JCAD: variants seen among roughly 807,000 people sequenced by gnomAD.
JCAD encodes junctional cadherin 5-associated protein.
JCAD carries 40 observed loss-of-function variants against 98.0 expected under a neutral mutation model. The ratio of observed to expected loss-of-function variants is 0.41; its 90% confidence interval spans 0.32 to 0.53. JCAD has a LOEUF of 0.53. JCAD is among the 20% of genes least tolerant of loss of function. The pLI is 0.31. For synonymous variants in JCAD, 691 were observed against 682.3 expected, an observed-to-expected ratio of 1.01 and a Z score of -0.20; for missense variants, 1,705 against 1,738.1, an observed-to-expected ratio of 0.98 and a Z score of 0.34.
chr10:30,038,768 C>T (rs1476593299), intron 2 of JCAD, among the ~76,000 whole-genome samples: 4 of 149,676 alleles, frequency 2.7e-5, no homozygotes, highest in Non-Finnish European at 5.9e-5. Context: ...CAGGATGGAG[C>T]AAAGGGATAC....
intron 2 of JCAD, among the ~76,000 whole-genome samples, chr10:30,032,767 T>G (rs1469347489): frequency 6.6e-6 from 1 of 152,224 alleles, no homozygotes; most frequent in Non-Finnish European, 1.5e-5. Context: ...CTACTAGATA[T>G]CTGGTATTAT....
chr10:30,027,184 C>T lies in JCAD; in HGVS notation c.2964G>A (p.Leu988=). 6.2e-7 allele frequency: 1 copy of T among 1,614,210 alleles called. No homozygotes were observed. Among genetic ancestry groups the T allele is most frequent in the East Asian group, 2.2e-5 (1 of 44,884 alleles). ...TAGGTTCAGCTGGATAGGACGCGGG[C>T]AGTGGTTTTGCGTCACTTGATCTTG... The part of the protein sequence containing the change: ...MSSRSSDAKP[L]PASYPAEPRE... The change falls in exon 3 of 4, where the codon CTG becomes CTA. Residue 988 remains leucine, a synonymous_variant. Transcript: ENST00000375377.
chr10:30,111,113 G>A (rs566726556), intron 1 of JCAD, among the ~76,000 whole-genome samples: 5 of 152,222 alleles, frequency 3.3e-5, no homozygotes, highest in Admixed American at 2.6e-4. Context: ...TGGACTGGTT[G>A]ATGTATGGAC....
chr10:30,098,579 C>G (rs957879276), intron 1 of JCAD, among the ~76,000 whole-genome samples: 2 of 152,178 alleles, frequency 1.3e-5, no homozygotes, highest in South Asian at 4.1e-4. Context: ...TTTGTGTCCT[C>G]AGTTCCTGGA....
chr10:30,065,143 A>G (rs1173931617), intron 2 of JCAD, among the ~76,000 whole-genome samples: 16 of 152,234 alleles, frequency 1.1e-4, no homozygotes, highest in Admixed American at 1.0e-3. Context: ...TGATTAATAC[A>G]TACAATATAC....
At chr10:30,107,389 C>G (rs1838604864) in intron 1 of JCAD, among the ~76,000 whole-genome samples, 1 of 152,188 alleles carries the variant, frequency 6.6e-6, no homozygotes, top group Non-Finnish European at 1.5e-5. Flanking sequence ...ACTGCATTGG[C>G]ATGCTAGAAG....
In JCAD at chr10:30,015,799, C is replaced by A. The variant is rs1483119558; in HGVS notation, c.*2084G>T. 5 of 152,230 alleles carry A rather than the reference C, an allele frequency of 3.3e-5. No homozygotes were observed. The highest frequency in any genetic ancestry group is 1.2e-4 in the African/African-American group (5 of 41,528). 9.4% of individuals were successfully genotyped at this position (152,230 alleles called of 1,614,324 possible). On this transcript the variant is annotated 3_prime_UTR_variant, in exon 4 of 4. Coordinates refer to ENST00000375377, the MANE Select transcript of JCAD (RefSeq NM_020848.4). Reference sequence around the variant, plus strand: ...GCATACATGTACGAGTATACATGTGCACGTATATAAATGTATATACACATA... The same window carrying A: ...GCATACATGTACGAGTATACATGTGAACGTATATAAATGTATATACACATA...
chr10:30,028,865 T>C lies in JCAD; in HGVS notation c.1283A>G (p.Asp428Gly). 6.2e-7 allele frequency: 1 copy of C among 1,614,132 alleles called. No individual in the cohort carries two copies. The highest frequency in any genetic ancestry group is 8.5e-7 in the Non-Finnish European group (1 of 1,180,020). ...TAGTTTAAAATGTCGTAACCGTGGA[T>C]CATCAAAGGGAATGTACTGAACGAA... is the stretch of plus-strand genomic sequence containing the variant. ...DGFVQYIPFD[D>G]PRLRHFKLAQ... Residue 428 changes from aspartate to glycine, a missense_variant, in exon 3 of 4, where the codon GAT becomes GGT. This residue lies in a region of JCAD where 1,278 missense variants were observed against 1,243.1 expected (regional missense o/e 1.03). Transcript: ENST00000375377.
intron 1 of JCAD, among the ~76,000 whole-genome samples, chr10:30,115,204 G>T (rs1838771440): frequency 6.6e-6 from 1 of 152,174 alleles, no homozygotes; most frequent in African/African-American, 2.4e-5. Context: ...CTCTCTCCAG[G>T]AGATCCTTGT....
chr10:30,103,359 A>G (rs1838502854), intron 1 of JCAD, among the ~76,000 whole-genome samples: 1 of 152,206 alleles, frequency 6.6e-6, no homozygotes. Context: ...GTTGTTCCTC[A>G]AAAATTAAAA....
chr10:30,114,863 T>C (rs894168000), intron 1 of JCAD, among the ~76,000 whole-genome samples: 1 of 150,558 alleles, frequency 6.6e-6, no homozygotes, highest in Non-Finnish European at 1.5e-5. Context: ...AGATGATAGA[T>C]ACATAATAGA....
At chr10:30,046,746 G>A (rs919984643) in intron 2 of JCAD, among the ~76,000 whole-genome samples, 2 of 152,166 alleles carry the variant, frequency 1.3e-5, no homozygotes, top group Non-Finnish European at 2.9e-5. Context: ...GCCCATTATG[G>A]CCAAGCCCTG....
chr10:30,103,913 T>G (rs1241079508), intron 1 of JCAD, among the ~76,000 whole-genome samples: 2 of 151,990 alleles, frequency 1.3e-5, no homozygotes, highest in Non-Finnish European at 2.9e-5. Flanking sequence ...TTGTATTATT[T>G]TAATTTTGCC....
chr10:30,078,928 A>C (rs1323479286), intron 1 of JCAD, among the ~76,000 whole-genome samples: 1 of 152,126 alleles, frequency 6.6e-6, no homozygotes, highest in Non-Finnish European at 1.5e-5. Context: ...TGGGAGCTTC[A>C]TTTGTGGGCA....
At chr10:30,050,053 C>T (rs1173761301) in intron 1 of JCAD, among the ~76,000 whole-genome samples, 1 of 151,994 alleles carries the variant, frequency 6.6e-6, no homozygotes, top group Non-Finnish European at 1.5e-5. Context: ...CAGTGGCTCG[C>T]ACCTATAATC....
chr10:30,022,220 TTGA>T (rs1836674065), intron 3 of JCAD, among the ~76,000 whole-genome samples: 1 of 152,048 alleles, frequency 6.6e-6, no homozygotes, highest in Non-Finnish European at 1.5e-5. Context: ...CTCAAGACAC[TTGA>T]TGATATGACA....
At chr10:30,113,594 G>T (rs538954185) in intron 1 of JCAD, among the ~76,000 whole-genome samples, 238 of 118,022 alleles carry the variant, frequency 2.0e-3, no homozygotes, top group Admixed American at 7.5e-3. Context: ...CAGCAGAGAA[G>T]AAGGAAGCAC....
At chr10:30,088,739 G>T (rs1838207651) in intron 1 of JCAD, among the ~76,000 whole-genome samples, 1 of 152,128 alleles carries the variant, frequency 6.6e-6, no homozygotes, top group African/African-American at 2.4e-5. Flanking sequence ...TGACTGAAGG[G>T]TGTGGATCAC....
chr10:30,110,692 T>C (rs1316074555), intron 1 of JCAD, among the ~76,000 whole-genome samples: 3 of 151,494 alleles, frequency 2.0e-5, no homozygotes, highest in Non-Finnish European at 4.4e-5. Context: ...ACCCCTGATA[T>C]ATGGAGCAGC....
Sources: allele counts gnomAD v4.1 joint callset (sites outside exome capture counted in the v4.1 genomes callset), GRCh38; gene constraint gnomAD v4.1.1; regional missense constraint gnomAD v4.1.1; transcripts MANE v1.5; gene names NCBI Gene and HGNC (gene_info 2026-07-23, HGNC 2026-07-21).